The following SLC44A5 variants were observed in gnomAD, a reference collection of about 807,000 sequenced individuals.
The protein encoded by SLC44A5 is choline transporter-like protein 5.
In SLC44A5, 57 loss-of-function variants were observed where a neutral mutation model predicts 101.8. That is an observed-to-expected ratio of 0.56 (90% CI 0.45 to 0.70). The LOEUF (loss-of-function observed/expected upper bound fraction) is 0.70. Ranked by LOEUF, SLC44A5 falls within the 30% of genes least tolerant of loss-of-function variation. The pLI, the probability that SLC44A5 is intolerant of heterozygous loss-of-function variation, is 0.00. For synonymous variants in SLC44A5, 281 were observed against 290.9 expected (o/e 0.97, Z 0.35); for missense variants, 737 against 853.1 (o/e 0.86, Z 1.70).
chr1:75,579,177 T>A (rs75956616), intron 1 of SLC44A5, among the ~76,000 whole-genome samples: 3,940 of 152,024 alleles, frequency 0.026, 153 homozygotes, highest in African/African-American at 0.091. Flanking sequence ...GGAAAAGGAG[T>A]TAGTTATAAT....
chr1:75,677,735 A>C, the SLC44A5 span: 1 of 442,196 alleles, frequency 2.3e-6, no homozygotes, highest in East Asian at 7.4e-5. Context: ...GTTACCTATA[A>C]AAAACACATT....
At chr1:75,351,537 G>C (rs1658656169) in intron 3 of SLC44A5, among the ~76,000 whole-genome samples, 1 of 152,118 alleles carries the variant, frequency 6.6e-6, no homozygotes, top group South Asian at 2.1e-4. Context: ...TATTTGTAGA[G>C]AGACAGATAT....
chr1:75,703,771 G>A, the SLC44A5 span, among the ~76,000 whole-genome samples: 44,699 of 151,298 alleles, frequency 0.3, 6,789 homozygotes, highest in Non-Finnish European at 0.33. Context: ...CGCCTGTTCA[G>A]TACCAGACCT....
chr1:75,651,929 C>G, the SLC44A5 span, among the ~76,000 whole-genome samples: 8 of 152,154 alleles, frequency 5.3e-5, no homozygotes, highest in East Asian at 1.6e-3. Context: ...TGGTCACAGC[C>G]AGCTTCAGAG....
chr1:75,300,484 C>T, intron 5 of SLC44A5, 128 bp downstream of exon 5: 1 of 516,194 alleles, frequency 1.9e-6, no homozygotes, highest in Non-Finnish European at 3.2e-6. Flanking sequence ...GGCACATTTC[C>T]TCCAGGAAAG....
chr1:75,699,086 A>T, the SLC44A5 span, among the ~76,000 whole-genome samples: 1 of 152,194 alleles, frequency 6.6e-6, no homozygotes, highest in African/African-American at 2.4e-5. Flanking sequence ...TCTGAAGGAT[A>T]TTATCCAGGA....
the SLC44A5 span, among the ~76,000 whole-genome samples, chr1:75,694,808 T>C: frequency 6.6e-6 from 1 of 152,134 alleles, no homozygotes; most frequent in South Asian, 2.1e-4. Flanking sequence ...AATGAATACA[T>C]GAAAAATATA....
chr1:75,528,554 C>G (rs1011883626), intron 2 of SLC44A5, among the ~76,000 whole-genome samples: 1 of 152,128 alleles, frequency 6.6e-6, no homozygotes, highest in African/African-American at 2.4e-5. Flanking sequence ...TCTATGAAAA[C>G]ATGTGCGACA....
intron 2 of SLC44A5, among the ~76,000 whole-genome samples, chr1:75,457,351 A>C (rs1473841903): frequency 1.3e-5 from 2 of 152,232 alleles, no homozygotes; most frequent in African/African-American, 4.8e-5. Context: ...GCTTTAAAAA[A>C]ACAGAAATGA....
At chr1:75,681,870 G>A in the SLC44A5 span, among the ~76,000 whole-genome samples, 1 of 152,176 alleles carries the variant, frequency 6.6e-6, no homozygotes, top group African/African-American at 2.4e-5. Context: ...CACTGTCTCA[G>A]CCCAAACTCT....
At chr1:75,581,987 G>T in intron 1 of SLC44A5, 2 of 469,462 alleles carry the variant, frequency 4.3e-6, no homozygotes, top group Non-Finnish European at 7.7e-6. Context: ...ACCCAGCCTC[G>T]GGTGTTCTTT....
At chr1:75,450,559 C>G (rs75161954) in intron 2 of SLC44A5, among the ~76,000 whole-genome samples, 1 of 152,194 alleles carries the variant, frequency 6.6e-6, no homozygotes, top group African/African-American at 2.4e-5. Flanking sequence ...CTCCCTACCC[C>G]CCAACTGCAA....
intron 23 of SLC44A5, among the ~76,000 whole-genome samples, chr1:75,207,565 T>C (rs143707588): frequency 3.3e-5 from 5 of 152,266 alleles, no homozygotes; most frequent in African/African-American, 1.2e-4. Flanking sequence ...TTGGGAATGG[T>C]TGGGTCATTG....
At chr1:75,610,454 C>A (rs925743652) in intron 1 of SLC44A5, among the ~76,000 whole-genome samples, 7 of 151,948 alleles carry the variant, frequency 4.6e-5, no homozygotes, top group African/African-American at 1.7e-4. Context: ...ACCTCTGCTT[C>A]AAAAAATAAT....
At chr1:75,259,595 G>A (rs915578842) in intron 6 of SLC44A5, among the ~76,000 whole-genome samples, 1 of 152,092 alleles carries the variant, frequency 6.6e-6, no homozygotes, top group Non-Finnish European at 1.5e-5. Context: ...AACCAAGTTG[G>A]AAAACACTCT....
intron 1 of SLC44A5, among the ~76,000 whole-genome samples, chr1:75,554,936 A>C (rs1379178357): frequency 6.6e-6 from 1 of 152,122 alleles, no homozygotes; most frequent in African/African-American, 2.4e-5. Context: ...CTAATAGAGA[A>C]AATAAAATGG....
At chr1:75,511,824 T>C (rs1455765522) in intron 2 of SLC44A5, among the ~76,000 whole-genome samples, 1 of 152,212 alleles carries the variant, frequency 6.6e-6, no homozygotes, top group Non-Finnish European at 1.5e-5. Context: ...AAGCAAATGA[T>C]TTATTTCTTT....
intron 2 of SLC44A5, among the ~76,000 whole-genome samples, chr1:75,474,471 CTGACTT>C (rs1432289477): frequency 6.6e-6 from 1 of 152,192 alleles, no homozygotes; most frequent in Non-Finnish European, 1.5e-5. Context: ...ATATTCTCCT[CTGACTT>C]TAACATTTTC....
At chr1:75,311,751 T>C (rs957759634) in intron 4 of SLC44A5, 3 of 156,912 alleles carry the variant, frequency 1.9e-5, no homozygotes, top group African/African-American at 7.2e-5. Context: ...AATAAAATGA[T>C]GACAGATTGT....
Sources: gnomAD v4.1 joint callset for allele counts (sites outside exome capture counted in the v4.1 genomes callset) on GRCh38, gnomAD v4.1.1 for gene constraint, MANE v1.5 for transcripts, NCBI Gene and HGNC (gene_info 2026-07-23, HGNC 2026-07-21) for gene names.